PLEKHG1: variants seen among roughly 807,000 people sequenced by gnomAD.
The protein encoded by PLEKHG1 is pleckstrin homology domain-containing family G member 1.
PLEKHG1 carries 44 observed loss-of-function variants against 100.8 expected under a neutral mutation model. That is an observed-to-expected ratio of 0.44 (90% CI 0.34 to 0.56). The LOEUF (loss-of-function observed/expected upper bound fraction) is 0.56, where lower values mean the gene tolerates loss of function less well. Ranked by LOEUF, PLEKHG1 falls within the 20% of genes least tolerant of loss-of-function variation. PLEKHG1 has a pLI of 0.01. For synonymous variants in PLEKHG1, 640 were observed against 662.5 expected (o/e 0.97, Z 0.52); for missense variants, 1,545 against 1,720.9 (o/e 0.90, Z 1.81).
At chr6:150,803,005 A>G (rs1786803155) in intron 6 of PLEKHG1, among the ~76,000 whole-genome samples, 1 of 152,108 alleles carries the variant, frequency 6.6e-6, no homozygotes, top group Non-Finnish European at 1.5e-5. Flanking sequence ...GAAAATCCCC[A>G]CAGAAATATC....
chr6:150,823,792 CA>C, intron 14 of PLEKHG1, 116 bp downstream of exon 15: 1 of 729,912 alleles, frequency 1.4e-6, no homozygotes, highest in Non-Finnish European at 2.4e-6. Context: ...AGTTATTTTA[CA>C]TTTTGGAAAT....
Position 150,602,895 on chromosome 6 carries a change from C to A in PLEKHG1, c.-204+2878C>A, listed in dbSNP as rs541323521. On this transcript the variant is annotated intron_variant, in intron 1 of 3. Coordinates refer to the PLEKHG1 transcript ENST00000367326. ...TATAGATCGAGACCATCCTGGCTAA[C>A]ACGGTGAAACCCCGTCTCTACTAAA... is the stretch of plus-strand genomic sequence containing the variant. Among the ~76,000 whole-genome samples, 12 of 152,020 alleles carry A rather than the reference C, an allele frequency of 7.9e-5. No homozygotes were observed. The East Asian group carries it at 1.7e-3, about 22-fold the overall frequency.
chr6:150,808,650 G>A (rs986529656), intron 7 of PLEKHG1, among the ~76,000 whole-genome samples: 1 of 152,298 alleles, frequency 6.6e-6, no homozygotes, highest in South Asian at 2.1e-4. Flanking sequence ...CTACTCAGGA[G>A]GCTGAGGCAG....
intron 3 of PLEKHG1, among the ~76,000 whole-genome samples, chr6:150,783,392 G>A (rs1355165131): frequency 1.3e-4 from 20 of 148,612 alleles, no homozygotes; most frequent in Admixed American, 6.7e-5. Flanking sequence ...TTTTTTTAAC[G>A]GAGTCTCACT....
chr6:150,644,072 A>G (rs1778380680), intron 2 of PLEKHG1, among the ~76,000 whole-genome samples: 1 of 152,170 alleles, frequency 6.6e-6, no homozygotes, highest in Non-Finnish European at 1.5e-5. Context: ...GGATAAACGA[A>G]TTTTGAGGTA....
chr6:150,766,321 A>G (rs956550175), intron 2 of PLEKHG1, among the ~76,000 whole-genome samples: 3 of 152,092 alleles, frequency 2.0e-5, no homozygotes, highest in Non-Finnish European at 4.4e-5. Flanking sequence ...AAGCAGCATG[A>G]CAGGCTCTAA....
At chr6:150,659,078 C>A (rs935901675) in intron 3 of PLEKHG1, among the ~76,000 whole-genome samples, 2 of 152,162 alleles carry the variant, frequency 1.3e-5, no homozygotes, top group African/African-American at 4.8e-5. Flanking sequence ...ATCTTCACAG[C>A]CGTCAGATGT....
In PLEKHG1 at chr6:150,839,972, T is replaced by C. The variant is rs779793931; in HGVS notation, c.3234T>C (p.His1078=). Residue 1078 remains histidine, a synonymous_variant, in exon 16 of 16, where the codon CAT becomes CAC. Transcript: ENST00000358517. ...CTGTGTCACCTTCCCAGGTCCACCATGGTAGTGGAGACTGGCTTCTGCATT... is the reference window on the plus strand; with the variant it reads ...CTGTGTCACCTTCCCAGGTCCACCACGGTAGTGGAGACTGGCTTCTGCATT... 41 of 1,613,888 alleles carry C rather than the reference T, an allele frequency of 2.5e-5. No homozygotes were observed. The Admixed American group carries it at 3.0e-4, about 12-fold the overall frequency.
chr6:150,779,666 G>A (rs1785199123), intron 3 of PLEKHG1, among the ~76,000 whole-genome samples: 1 of 150,178 alleles, frequency 6.7e-6, no homozygotes, highest in Non-Finnish European at 1.5e-5. Flanking sequence ...TGTTTCTGTT[G>A]TGCTATGAGA....
intron 15 of PLEKHG1, 124 bp downstream of exon 16, chr6:150,832,329 G>A: frequency 1.3e-6 from 1 of 757,790 alleles, no homozygotes; most frequent in South Asian, 1.9e-5. Context: ...TCATCTCAAA[G>A]TAAGACCACA....
At chr6:150,667,089 G>T (rs780656196) in intron 3 of PLEKHG1, among the ~76,000 whole-genome samples, 3 of 151,590 alleles carry the variant, frequency 2.0e-5, no homozygotes, top group Admixed American at 6.6e-5. Context: ...TCCAAAAGGG[G>T]GTGTGTGTGT....
chr6:150,731,347 G>A (rs1782243185), intron 1 of PLEKHG1, among the ~76,000 whole-genome samples: 2 of 152,208 alleles, frequency 1.3e-5, no homozygotes, highest in Admixed American at 6.5e-5. Context: ...TAGTGGTTAT[G>A]CAGATAAACT....
intron 3 of PLEKHG1, among the ~76,000 whole-genome samples, chr6:150,679,435 T>G (rs1225932472): frequency 6.6e-6 from 1 of 152,246 alleles, no homozygotes; most frequent in East Asian, 1.9e-4. Context: ...CAAAGTGTTC[T>G]CTTTGAAGAA....
upstream of PLEKHG1, among the ~76,000 whole-genome samples, chr6:150,717,149 A>G (rs1648792056): frequency 6.6e-6 from 1 of 151,936 alleles, no homozygotes; most frequent in African/African-American, 2.4e-5. Flanking sequence ...CCCCTGCCTC[A>G]GCCTCCCAAA....
chr6:150,627,328 C>T (rs1437543252), intron 1 of PLEKHG1, among the ~76,000 whole-genome samples: 6 of 152,122 alleles, frequency 3.9e-5, no homozygotes, highest in Non-Finnish European at 7.4e-5. Flanking sequence ...AAAAGCATCA[C>T]TTTACTCCTT....
At chr6:150,604,722 C>T (rs984261574) in intron 1 of PLEKHG1, among the ~76,000 whole-genome samples, 1 of 152,198 alleles carries the variant, frequency 6.6e-6, no homozygotes, top group African/African-American at 2.4e-5. Flanking sequence ...CTAGAAGTCT[C>T]TGTTAAGCAT....
intron 3 of PLEKHG1, chr6:150,664,101 C>G (rs1022502946): frequency 6.6e-6 from 1 of 152,380 alleles, no homozygotes; most frequent in East Asian, 1.9e-4. Context: ...TCCCATCTCT[C>G]TGCTCCACCA....
chr6:150,725,931 C>T (rs990517567), intron 1 of PLEKHG1, among the ~76,000 whole-genome samples: 1 of 151,316 alleles, frequency 6.6e-6, no homozygotes, highest in Non-Finnish European at 1.5e-5. Flanking sequence ...ATTATGTGAC[C>T]ATAAAAAAAA....
chr6:150,683,738 A>G lies in PLEKHG1; in HGVS notation c.-99+32952A>G. On this transcript the variant is annotated intron_variant, in intron 3 of 3. Transcript: ENST00000367326. The surrounding 1 kb of genome is among the most constrained non-coding windows in gnomAD (Gnocchi z 4.0). ...CACGGACCCCTCTGCGCTAGTATCCAGGGCATAGGACGTCTGAAGGAAAGA... is the reference window on the plus strand; with the variant it reads ...CACGGACCCCTCTGCGCTAGTATCCGGGGCATAGGACGTCTGAAGGAAAGA... 1.6e-6 allele frequency: 2 copies of G among 1,264,312 alleles called. No homozygotes were observed. Among genetic ancestry groups the G allele is most frequent in the Non-Finnish European group, 2.1e-6 (2 of 971,926 alleles). 78.3% of individuals were successfully genotyped at this position (1,264,312 alleles called of 1,614,324 possible). A position where few individuals can be genotyped will look rare whatever the true frequency, so the allele number is the denominator to read the frequency against.
Sources: gnomAD v4.1 joint callset for allele counts (sites outside exome capture counted in the v4.1 genomes callset) on GRCh38, gnomAD v4.1.1 for gene constraint, Gnocchi (gnomAD v3.1) non-coding constraint, MANE v1.5 for transcripts, NCBI Gene and HGNC (gene_info 2026-07-23, HGNC 2026-07-21) for gene names.